The following DISC1 variants were observed in gnomAD, a reference collection of about 807,000 sequenced individuals.
The protein encoded by DISC1 is DISC1 scaffold protein.
A neutral mutation model predicts 84.5 loss-of-function variants in DISC1; 57 were observed. The ratio of observed to expected loss-of-function variants is 0.67; its 90% confidence interval spans 0.55 to 0.84. The LOEUF (loss-of-function observed/expected upper bound fraction) is 0.84. Ranked by LOEUF, DISC1 falls within the 40% of genes least tolerant of loss-of-function variation. The pLI is 0.00. For synonymous variants in DISC1, 411 were observed against 415.2 expected, an observed-to-expected ratio of 0.99 and a Z score of 0.12; for missense variants, 1,000 against 1,057.8, an observed-to-expected ratio of 0.95 and a Z score of 0.76.
intron 1 of DISC1, among the ~76,000 whole-genome samples, chr1:231,633,685 G>A (rs1257403175): frequency 6.6e-6 from 1 of 152,008 alleles, no homozygotes; most frequent in African/African-American, 2.4e-5. Context: ...AATTATGTTC[G>A]CCCAGATGAA....
intron 4 of DISC1, among the ~76,000 whole-genome samples, chr1:231,764,626 G>A (rs1393296217): frequency 6.6e-6 from 1 of 152,168 alleles, no homozygotes; most frequent in East Asian, 1.9e-4. Context: ...ATTGCTAAGA[G>A]GTCCTGATGC....
At chr1:232,020,924 C>T (rs183715314) in intron 11 of DISC1, among the ~76,000 whole-genome samples, 1 of 152,310 alleles carries the variant, frequency 6.6e-6, no homozygotes, top group East Asian at 1.9e-4. Flanking sequence ...TTTGAGAGAA[C>T]ATCCTCCAGC....
intron 1 of DISC1, among the ~76,000 whole-genome samples, chr1:231,633,628 A>G (rs1299395770): frequency 6.6e-6 from 1 of 151,992 alleles, no homozygotes; most frequent in East Asian, 1.9e-4. Context: ...AGCTACTTTA[A>G]CTCCCCAGAG....
At chr1:231,696,787 A>T (rs571800038) in intron 2 of DISC1, among the ~76,000 whole-genome samples, 36 of 152,358 alleles carry the variant, frequency 2.4e-4, no homozygotes, top group Admixed American at 9.1e-4. Context: ...GGAGCAATAG[A>T]CTATTCCATC....
intron 9 of DISC1, among the ~76,000 whole-genome samples, chr1:231,948,523 G>T (rs77079809): frequency 6.6e-6 from 1 of 152,002 alleles, no homozygotes; most frequent in Non-Finnish European, 1.5e-5. Context: ...GTTGTTGGGT[G>T]CAGCAAAACA....
Position 231,935,981 on chromosome 1 carries a change from C to T in DISC1, c.1982-22847C>T, listed in dbSNP as rs148400099. ...TAAGTGGTTCCTGTATTCTTCCCAA[C>T]GTAATTAAACTGCAGGAGGAAACTG... is the stretch of plus-strand genomic sequence containing the variant. On this transcript the variant is annotated intron_variant, in intron 9 of 12. Transcript: ENST00000439617. Among the ~76,000 whole-genome samples, 9 of 152,280 alleles carry T rather than the reference C, an allele frequency of 5.9e-5. No individual in the cohort carries two copies. The South Asian group carries it at 1.2e-3, about 21-fold the overall frequency.
chr1:231,803,988 G>C (rs61835434), intron 8 of DISC1, among the ~76,000 whole-genome samples: 5 of 136,176 alleles, frequency 3.7e-5, no homozygotes, highest in Admixed American at 1.5e-4. Flanking sequence ...ACAGTGTCTT[G>C]TTAGGACTTA....
chr1:231,973,339 C>T (rs1332148074), intron 10 of DISC1, among the ~76,000 whole-genome samples: 1 of 152,344 alleles, frequency 6.6e-6, no homozygotes, highest in Non-Finnish European at 1.5e-5. Flanking sequence ...AGCCACCGCA[C>T]CCGGCCGCCA....
intron 9 of DISC1, chr1:231,866,838 C>A (rs1435339862): frequency 2.5e-6 from 2 of 801,572 alleles, no homozygotes; most frequent in East Asian, 3.8e-5. Flanking sequence ...GTTGTCATTG[C>A]GGTTCTCTGA....
chr1:231,926,295 A>G (rs1379377863), intron 9 of DISC1, among the ~76,000 whole-genome samples: 2 of 152,230 alleles, frequency 1.3e-5, no homozygotes, highest in Non-Finnish European at 2.9e-5. Flanking sequence ...GAGTGTCTAC[A>G]GTTCAAAACC....
chr1:231,726,727 C>T (rs1049007201), intron 3 of DISC1, among the ~76,000 whole-genome samples: 3 of 152,188 alleles, frequency 2.0e-5, no homozygotes, highest in African/African-American at 7.2e-5. Context: ...TTATAAGTGG[C>T]CACATGATCT....
chr1:231,660,544 C>G (rs1007168233), intron 1 of DISC1, among the ~76,000 whole-genome samples: 3 of 151,938 alleles, frequency 2.0e-5, no homozygotes, highest in African/African-American at 4.8e-5. Flanking sequence ...TGGTGCAGTC[C>G]CAGCTCACGG....
At chr1:231,986,049 G>A (rs1664385681) in intron 10 of DISC1, among the ~76,000 whole-genome samples, 1 of 152,178 alleles carries the variant, frequency 6.6e-6, no homozygotes, top group South Asian at 2.1e-4. Flanking sequence ...ATGCTCTTCA[G>A]CCTGTGTCCT....
At chr1:231,669,764 C>T (rs999024749) in intron 1 of DISC1, among the ~76,000 whole-genome samples, 3 of 152,018 alleles carry the variant, frequency 2.0e-5, no homozygotes, top group African/African-American at 7.2e-5. Flanking sequence ...CGCTTATATG[C>T]TGTCGGTGGG....
chr1:231,880,108 T>C lies in DISC1; in HGVS notation c.1981+61591T>C, dbSNP rs538888039. Among the ~76,000 whole-genome samples the C allele has an allele frequency of 2.6e-5, 4 of 152,260 alleles. No homozygotes were observed. In the South Asian group the frequency reaches 8.3e-4, roughly 32 times the overall value. ...TTTTATGAGTGGATTAATCTATTCA[T>C]GAAATAATGAGCTAATGGGTTATCC... is the stretch of plus-strand genomic sequence containing the variant. On this transcript the variant is annotated intron_variant, in intron 9 of 12. Transcript: ENST00000439617.
chr1:231,998,045 C>T (rs1666180191), intron 10 of DISC1, among the ~76,000 whole-genome samples: 1 of 152,102 alleles, frequency 6.6e-6, no homozygotes, highest in East Asian at 1.9e-4. Context: ...ATGTTGGAAA[C>T]ATGACATAAA....
In DISC1 at chr1:231,826,250, C is replaced by G. The variant is rs2081855905; in HGVS notation, c.1981+7733C>G. On this transcript the variant is annotated intron_variant, in intron 9 of 12. Transcript: ENST00000439617. The surrounding 1 kb of genome is among the most constrained non-coding windows in gnomAD (Gnocchi z 4.2). ...AAGGCCACCATCTGAATCCCTCTTA[C>G]CTGCCATTTTACCTTTGACGTTGCT... Among the ~76,000 whole-genome samples, 1 of 152,202 alleles carries G rather than the reference C, an allele frequency of 6.6e-6. No individual in the cohort carries two copies. The highest frequency in any genetic ancestry group is 2.1e-4 in the South Asian group (1 of 4,832).
rs1033255477 is a variant in DISC1, at chr1:231,640,281, T to C, written c.67+13347T>C. 2.6e-5 allele frequency among the ~76,000 whole-genome samples: 4 copies of C among 152,202 alleles called. No individual in the cohort carries two copies. The South Asian group carries it at 8.3e-4, about 31-fold the overall frequency. On this transcript the variant is annotated intron_variant, in intron 1 of 12. Transcript: ENST00000439617. ...CGTTTCTTGAGACAGGCTGCTGATATGCTGCCTTTGGTCTCTGAGCCACCA... is the reference window on the plus strand; with the variant it reads ...CGTTTCTTGAGACAGGCTGCTGATACGCTGCCTTTGGTCTCTGAGCCACCA...
At chr1:231,960,757 G>A (rs541229761) in intron 10 of DISC1, among the ~76,000 whole-genome samples, 75 of 152,310 alleles carry the variant, frequency 4.9e-4, no homozygotes, top group Non-Finnish European at 8.8e-4. Context: ...TCCGACACCA[G>A]CTACCTGGAG....
Sources: allele counts gnomAD v4.1 joint callset (sites outside exome capture counted in the v4.1 genomes callset), GRCh38; gene constraint gnomAD v4.1.1; non-coding constraint Gnocchi (gnomAD v3.1); transcripts MANE v1.5; gene names NCBI Gene and HGNC (gene_info 2026-07-23, HGNC 2026-07-21).